Variants in SOX6 observed in about 807,000 individuals in gnomAD.
The protein encoded by SOX6 is SRY-box transcription factor 6, also known as transcription factor SOX-6.
SOX6 carries 11 observed loss-of-function variants against 97.8 expected under a neutral mutation model. The observed-to-expected ratio is 0.11, with a 90% CI of 0.07 to 0.19. SOX6 has a LOEUF of 0.19. Among genes scored for constraint, SOX6 ranks in the 10% least tolerant of loss-of-function variants. SOX6 has a pLI of 1.00. For missense variants in SOX6, 810 were observed against 1,039.5 expected, an observed-to-expected ratio of 0.78 and a Z score of 3.04; for synonymous variants, 360 against 371.4, an observed-to-expected ratio of 0.97 and a Z score of 0.35.
chr11:16,031,770 G>T (rs1855381165), intron 12 of SOX6, among the ~76,000 whole-genome samples: 1 of 152,026 alleles, frequency 6.6e-6, no homozygotes, highest in African/African-American at 2.4e-5. Flanking sequence ...GGCAATGGGG[G>T]AGCAGAAATG....
intron 4 of SOX6, among the ~76,000 whole-genome samples, chr11:16,206,201 G>A (rs929918869): frequency 6.6e-6 from 1 of 151,948 alleles, no homozygotes. Flanking sequence ...AGAGTATTCT[G>A]CATTATAAAG....
chr11:16,636,957 G>C (rs1387413165), intron 3 of SOX6, among the ~76,000 whole-genome samples: 1 of 152,212 alleles, frequency 6.6e-6, no homozygotes, highest in Middle Eastern at 3.4e-3. Context: ...GCCCAGTCTT[G>C]GGTATGTCCC....
chr11:15,967,810 C>A lies in SOX6; in HGVS notation c.*4999G>T, dbSNP rs1309165269. The A allele has an allele frequency of 6.6e-6, 1 of 152,154 alleles. No homozygotes were observed. Among genetic ancestry groups the A allele is most frequent in the Non-Finnish European group, 1.5e-5 (1 of 68,030 alleles). 9.4% of individuals were successfully genotyped at this position (152,154 alleles called of 1,614,324 possible). A position where few individuals can be genotyped will look rare whatever the true frequency, so the allele number is the denominator to read the frequency against. ...TAAGAAACTACTGAGCAAGATATGT[C>A]ACTGAGTTTTCTTCAAGCGTTCATA... On this transcript the variant is annotated 3_prime_UTR_variant, in exon 16 of 16. Transcript: ENST00000683767.
chr11:16,427,639 T>A (rs989006468), intron 1 of SOX6, among the ~76,000 whole-genome samples: 1 of 152,286 alleles, frequency 6.6e-6, no homozygotes, highest in Non-Finnish European at 1.5e-5. Flanking sequence ...TTCATACATG[T>A]CCCTACAAAG....
At chr11:16,457,747 C>A (rs563306847) in intron 1 of SOX6, among the ~76,000 whole-genome samples, 3 of 151,984 alleles carry the variant, frequency 2.0e-5, no homozygotes, top group East Asian at 3.9e-4. Flanking sequence ...CCATCCCCAC[C>A]GCTTTCTTCC....
At chr11:16,588,576 G>C (rs1848119544) in intron 4 of SOX6, among the ~76,000 whole-genome samples, 1 of 152,142 alleles carries the variant, frequency 6.6e-6, no homozygotes, top group Non-Finnish European at 1.5e-5. Flanking sequence ...CAGACACTCA[G>C]GAGAGTAGTA....
intron 3 of SOX6, among the ~76,000 whole-genome samples, chr11:16,678,589 T>A (rs79776522): frequency 6.6e-6 from 1 of 152,096 alleles, no homozygotes; most frequent in East Asian, 1.9e-4. Context: ...GTTCATCTCA[T>A]TGAGACTGGT....
At position 16,508,815 on chromosome 11, in the gene SOX6, A is replaced by G. The variant is rs530775399; in HGVS notation, n.610-32427T>C. Among the ~76,000 whole-genome samples the G allele has an allele frequency of 5.9e-5, 9 of 152,246 alleles. No homozygotes were observed. In the South Asian group the frequency reaches 1.9e-3, roughly 32 times the overall value. ...ATTAACAACAATGTATTATATCAAAATAGCTGGAAGAGAGGACTTGAAATG... is the reference window on the plus strand; with the variant it reads ...ATTAACAACAATGTATTATATCAAAGTAGCTGGAAGAGAGGACTTGAAATG... On this transcript the variant is annotated intron_variant and non_coding_transcript_variant, in intron 4 of 5. Transcript: ENST00000524520.
chr11:16,349,607 C>A (rs1269667749), intron 1 of SOX6, among the ~76,000 whole-genome samples: 1 of 146,428 alleles, frequency 6.8e-6, no homozygotes, highest in African/African-American at 2.5e-5. Flanking sequence ...CAGAGCAAGG[C>A]TCTGTCAAAA....
intron 3 of SOX6, among the ~76,000 whole-genome samples, chr11:16,291,546 G>A (rs1590098512): frequency 6.6e-6 from 1 of 151,806 alleles, no homozygotes; most frequent in East Asian, 1.9e-4. Flanking sequence ...AATGGCTCCA[G>A]CCTAAAGGTG....
chr11:16,261,342 T>C (rs1308446013), intron 3 of SOX6, among the ~76,000 whole-genome samples: 2 of 152,144 alleles, frequency 1.3e-5, no homozygotes, highest in Admixed American at 6.6e-5. Flanking sequence ...AATCAAATAA[T>C]ATTTTGTGCA....
At chr11:16,503,772 C>T (rs1017188371) in intron 4 of SOX6, among the ~76,000 whole-genome samples, 6 of 152,050 alleles carry the variant, frequency 3.9e-5, no homozygotes, top group African/African-American at 9.7e-5. Flanking sequence ...CGGTTGGGCA[C>T]GGTGGCTCAC....
intron 4 of SOX6, among the ~76,000 whole-genome samples, chr11:16,522,021 G>C (rs1328485526): frequency 2.0e-5 from 3 of 152,188 alleles, no homozygotes; most frequent in African/African-American, 4.8e-5. Flanking sequence ...ACCTGAAAGT[G>C]ACAGGAAGAA....
chr11:16,043,333 A>C (rs1383429076), intron 12 of SOX6, among the ~76,000 whole-genome samples: 2 of 152,130 alleles, frequency 1.3e-5, no homozygotes, highest in African/African-American at 4.8e-5. Context: ...CAATTCATGC[A>C]CAGAAGCTAT....
chr11:16,548,766 G>T (rs778324085), intron 4 of SOX6, among the ~76,000 whole-genome samples: 7 of 152,168 alleles, frequency 4.6e-5, no homozygotes, highest in East Asian at 3.9e-4. Flanking sequence ...GTACAACATA[G>T]TGACTATAGT....
intron 5 of SOX6, among the ~76,000 whole-genome samples, chr11:16,184,983 A>G (rs1275196430): frequency 6.6e-6 from 1 of 152,152 alleles, no homozygotes; most frequent in Admixed American, 6.6e-5. Context: ...GTATTCTAGA[A>G]TGGGTTATGT....
chr11:16,685,762 T>C (rs1319088022), intron 3 of SOX6, among the ~76,000 whole-genome samples: 4 of 152,274 alleles, frequency 2.6e-5, no homozygotes, highest in Admixed American at 2.6e-4. Flanking sequence ...AATGCCCCAG[T>C]AGGGACTCTG....
intron 6 of SOX6, among the ~76,000 whole-genome samples, chr11:16,159,427 T>C: frequency 6.6e-6 from 1 of 152,076 alleles, no homozygotes; most frequent in East Asian, 1.9e-4. Flanking sequence ...AATTGGTGTT[T>C]GGTTTTAAAA....
chr11:16,046,795 T>C (rs1202916693), intron 11 of SOX6, 94 bp from the exon 12 acceptor site: 4 of 1,296,898 alleles, frequency 3.1e-6, no homozygotes, highest in Non-Finnish European at 4.4e-6. Flanking sequence ...CTGCATTCTC[T>C]GAACAAGGAA....
Sources: allele counts gnomAD v4.1 joint callset (sites outside exome capture counted in the v4.1 genomes callset), GRCh38; gene constraint gnomAD v4.1.1; transcripts MANE v1.5; gene names NCBI Gene and HGNC (gene_info 2026-07-23, HGNC 2026-07-21).